The following GRIA1 variants were observed in gnomAD, a reference collection of about 807,000 sequenced individuals.
GRIA1 encodes the protein glutamate receptor 1.
In GRIA1, 31 loss-of-function variants were observed where a neutral mutation model predicts 99.2. The observed-to-expected ratio is 0.31, with a 90% CI of 0.23 to 0.42. The LOEUF is 0.42. Ranked by LOEUF, GRIA1 falls within the 10% of genes least tolerant of loss-of-function variation. The probability of loss-of-function intolerance (pLI) is 1.00; values close to 1 mark genes in which losing one functional copy is unlikely to be tolerated. For missense variants in GRIA1, 782 were observed against 1,157.5 expected (o/e 0.68, Z 4.71); for synonymous variants, 438 against 432.4 (o/e 1.01, Z -0.16).
At chr5:153,773,489 T>G (rs115480926) in intron 13 of GRIA1, among the ~76,000 whole-genome samples, 2,506 of 152,292 alleles carry the variant, frequency 0.016, 24 homozygotes, top group Non-Finnish European at 0.025. Flanking sequence ...AGGCAAAAGG[T>G]GATAATGGAC....
intron 2 of GRIA1, among the ~76,000 whole-genome samples, chr5:153,518,487 C>G (rs948379933): frequency 1.3e-5 from 2 of 152,238 alleles, no homozygotes; most frequent in Non-Finnish European, 2.9e-5. Context: ...CCTGGGGATA[C>G]AGACATGAAA....
intron 2 of GRIA1, among the ~76,000 whole-genome samples, chr5:153,514,200 C>A (rs992915535): frequency 6.6e-6 from 1 of 152,166 alleles, no homozygotes; most frequent in Non-Finnish European, 1.5e-5. Flanking sequence ...TGTTGTGATG[C>A]GTTTTTTACA....
intron 11 of GRIA1, among the ~76,000 whole-genome samples, chr5:153,749,223 G>C (rs150291898): frequency 6.6e-6 from 1 of 152,258 alleles, no homozygotes; most frequent in South Asian, 2.1e-4. Context: ...TAGCTCTGCC[G>C]TGTCTGTGCT....
At chr5:153,788,507 C>T (rs1049442328) in intron 13 of GRIA1, among the ~76,000 whole-genome samples, 4 of 152,194 alleles carry the variant, frequency 2.6e-5, no homozygotes, top group African/African-American at 9.7e-5. Context: ...GCCTCTCCAA[C>T]CTCATCTCCC....
chr5:153,774,865 T>G (rs1160829320), intron 13 of GRIA1, among the ~76,000 whole-genome samples: 1 of 152,236 alleles, frequency 6.6e-6, no homozygotes, highest in African/African-American at 2.4e-5. Context: ...GGCTTTTGTT[T>G]ATTTGTTTGT....
intron 15 of GRIA1, among the ~76,000 whole-genome samples, chr5:153,804,977 C>G (rs1405181444): frequency 6.6e-6 from 1 of 152,082 alleles, no homozygotes; most frequent in Non-Finnish European, 1.5e-5. Flanking sequence ...GTCTCAAACT[C>G]CTGACCTCAG....
Position 153,586,161 on chromosome 5 carries a change from T to C in GRIA1, c.221-60767T>C, listed in dbSNP as rs926389048. Among the ~76,000 whole-genome samples the C allele has an allele frequency of 8.5e-5, 13 of 152,358 alleles. No homozygotes were observed. In the East Asian group the frequency reaches 2.1e-3, roughly 25 times the overall value. ...TACTTCTTGTTGTCTGAAATTATCA[T>C]ATTTATTTGTTTAGTTGTAATTCTT... On this transcript the variant is annotated intron_variant, in intron 2 of 15. Coordinates refer to ENST00000285900, the MANE Select transcript of GRIA1 (RefSeq NM_000827.4).
At chr5:153,557,510 C>G (rs1760755234) in intron 2 of GRIA1, among the ~76,000 whole-genome samples, 1 of 152,192 alleles carries the variant, frequency 6.6e-6, no homozygotes, top group South Asian at 2.1e-4. Context: ...CTTTTTGACT[C>G]TTTTGTAGTA....
intron 2 of GRIA1, 90 bp downstream of exon 2, chr5:153,494,155 A>G: frequency 1.3e-5 from 18 of 1,370,354 alleles, no homozygotes; most frequent in Non-Finnish European, 1.6e-5. Flanking sequence ...TGCAAAAATG[A>G]CTTCAGTTGC....
intron 11 of GRIA1, among the ~76,000 whole-genome samples, chr5:153,742,116 A>T (rs1016190170): frequency 6.6e-6 from 1 of 152,128 alleles, no homozygotes; most frequent in Non-Finnish European, 1.5e-5. Context: ...ACGAAAAAAA[A>T]TATGTTGCTT....
chr5:153,509,660 G>T (rs1755868301), intron 2 of GRIA1, among the ~76,000 whole-genome samples: 2 of 152,076 alleles, frequency 1.3e-5, no homozygotes, highest in Non-Finnish European at 2.9e-5. Flanking sequence ...TCCTCATTTT[G>T]GATCTTGTGT....
chr5:153,683,980 G>A (rs568952950), intron 7 of GRIA1, among the ~76,000 whole-genome samples: 1 of 152,142 alleles, frequency 6.6e-6, no homozygotes, highest in African/African-American at 2.4e-5. Context: ...ACATTTTTGT[G>A]TTGTCCTCCT....
chr5:153,741,787 A>G (rs1376198672), intron 11 of GRIA1, among the ~76,000 whole-genome samples: 1 of 152,188 alleles, frequency 6.6e-6, no homozygotes, highest in Admixed American at 6.5e-5. Context: ...AGCAGGCATA[A>G]AATTTCAGTT....
intron 2 of GRIA1, among the ~76,000 whole-genome samples, chr5:153,544,954 C>A (rs1018210616): frequency 3.3e-5 from 5 of 152,186 alleles, no homozygotes; most frequent in Non-Finnish European, 2.9e-5. Context: ...TAGGAACTGC[C>A]TCTGCAACTT....
intron 4 of GRIA1, among the ~76,000 whole-genome samples, chr5:153,653,723 A>C (rs141903247): frequency 6.6e-6 from 1 of 152,294 alleles, no homozygotes; most frequent in Non-Finnish European, 1.5e-5. Context: ...AACTCAACTC[A>C]ATGAGGGCAC....
chr5:153,809,806 C>T (rs1047025175), intron 15 of GRIA1, among the ~76,000 whole-genome samples: 5 of 152,082 alleles, frequency 3.3e-5, no homozygotes, highest in African/African-American at 1.2e-4. Flanking sequence ...GTATACTGCA[C>T]GAGTACAAGA....
intron 11 of GRIA1, chr5:153,755,321 G>A (rs1246712894): frequency 6.6e-6 from 1 of 152,308 alleles, no homozygotes. Context: ...TAGGGGCATA[G>A]AGGACTGGAT....
intron 13 of GRIA1, among the ~76,000 whole-genome samples, chr5:153,791,907 GA>G (rs565834531): frequency 0.023 from 3,236 of 141,400 alleles, 112 homozygotes; most frequent in African/African-American, 0.075. Context: ...TGTTCATTTG[GA>G]AAAAAAAAAA....
At chr5:153,810,996 G>A (rs747658007) in intron 15 of GRIA1, 29 bp from the exon 16 acceptor site, 3 of 1,576,052 alleles carry the variant, frequency 1.9e-6, no homozygotes, top group Non-Finnish European at 2.6e-6. Context: ...CCAAGGACCC[G>A]GGGAAGAACC....
Sources: allele counts gnomAD v4.1 joint callset (sites outside exome capture counted in the v4.1 genomes callset), GRCh38; gene constraint gnomAD v4.1.1; transcripts MANE v1.5; gene names NCBI Gene and HGNC (gene_info 2026-07-23, HGNC 2026-07-21).